The following APP variants were observed in gnomAD, a reference collection of about 807,000 sequenced individuals.
APP encodes the protein amyloid-beta precursor protein.
A neutral mutation model predicts 101.4 loss-of-function variants in APP; 31 were observed. The ratio of observed to expected loss-of-function variants is 0.31; its 90% confidence interval spans 0.23 to 0.41. APP has a LOEUF of 0.41. APP is among the 10% of genes least tolerant of loss of function. The pLI, the probability that APP is intolerant of heterozygous loss-of-function variation, is 1.00. For synonymous variants in APP, 366 were observed against 364.4 expected, an observed-to-expected ratio of 1.00 and a Z score of -0.05; for missense variants, 839 against 1,003.7, an observed-to-expected ratio of 0.84 and a Z score of 2.22.
At chr21:26,124,972 C>G (rs945726015) in intron 1 of APP, among the ~76,000 whole-genome samples, 3 of 152,174 alleles carry the variant, frequency 2.0e-5, no homozygotes, top group African/African-American at 7.2e-5. Context: ...ATTGGCTAAC[C>G]AAAGGTGCTG....
chr21:25,990,741 T>C lies in APP; in HGVS notation c.1090+6619A>G, dbSNP rs574745208. Among the ~76,000 whole-genome samples, 154 of 152,118 alleles carry C rather than the reference T, an allele frequency of 1.0e-3. 6 individuals are homozygous for C. In the South Asian group the frequency reaches 0.03, roughly 29 times the overall value. On this transcript the variant is annotated intron_variant, in intron 8 of 17. Coordinates refer to ENST00000346798, the MANE Select transcript of APP (RefSeq NM_000484.4). ...TTCTCCTACACTTCTATATTTCCTT[T>C]ATATGGTTATTTACCTCTACGGCAT...
chr21:26,097,586 T>C (rs1005032585), intron 2 of APP, among the ~76,000 whole-genome samples: 1 of 152,086 alleles, frequency 6.6e-6, no homozygotes, highest in African/African-American at 2.4e-5. Flanking sequence ...ATACAAATCA[T>C]AGCATCTGCT....
At chr21:26,144,653 T>C (rs966802593) in intron 1 of APP, among the ~76,000 whole-genome samples, 2 of 152,222 alleles carry the variant, frequency 1.3e-5, no homozygotes, top group African/African-American at 4.8e-5. Context: ...TTGAACAACT[T>C]TCTGGGTTAA....
chr21:25,902,385 A>G (rs2038547895), intron 15 of APP, among the ~76,000 whole-genome samples: 1 of 152,250 alleles, frequency 6.6e-6, no homozygotes, highest in South Asian at 2.1e-4. Context: ...AATTAGCCCA[A>G]ATGTTTGATA....
At chr21:26,168,443 C>G (rs1429682639) in intron 1 of APP, among the ~76,000 whole-genome samples, 1 of 152,138 alleles carries the variant, frequency 6.6e-6, no homozygotes, top group Non-Finnish European at 1.5e-5. Context: ...TCACCTCCAC[C>G]CTTTAAAGGA....
At chr21:26,165,285 A>G (rs1803064217) in intron 1 of APP, among the ~76,000 whole-genome samples, 1 of 152,224 alleles carries the variant, frequency 6.6e-6, no homozygotes. Context: ...ACTAACACAC[A>G]GTGCTTATGC....
intron 7 of APP, 111 bp downstream of exon 7, chr21:25,999,904 T>C (rs1199410120): frequency 1.6e-6 from 2 of 1,234,148 alleles, no homozygotes; most frequent in African/African-American, 3.0e-5. Flanking sequence ...ATGTGGTTAG[T>C]GGTAGCAACA....
chr21:26,052,581 C>T (rs187358073), intron 4 of APP, among the ~76,000 whole-genome samples: 3 of 152,156 alleles, frequency 2.0e-5, no homozygotes, highest in African/African-American at 7.2e-5. Flanking sequence ...ATTGGCTTAG[C>T]CAAAAGCAGA....
intron 2 of APP, among the ~76,000 whole-genome samples, chr21:26,109,043 G>T (rs1439551088): frequency 6.6e-6 from 1 of 152,170 alleles, no homozygotes; most frequent in African/African-American, 2.4e-5. Context: ...GAAGAATCTG[G>T]CTGGTGTGTA....
Position 26,054,992 on chromosome 21 carries a change from C to T in APP, c.356-1644G>A, listed in dbSNP as rs567579773. Reference sequence around the variant, plus strand: ...TAAGATGTAGCATGATACTGAAGTACTTATTTCAATAAGTACTATTTAGAT... The same window carrying T: ...TAAGATGTAGCATGATACTGAAGTATTTATTTCAATAAGTACTATTTAGAT... On this transcript the variant is annotated intron_variant, in intron 3 of 17. Transcript: ENST00000346798. 5.3e-5 allele frequency among the ~76,000 whole-genome samples: 8 copies of T among 152,216 alleles called. No individual in the cohort carries two copies. The South Asian group carries it at 1.7e-3, about 32-fold the overall frequency.
intron 5 of APP, among the ~76,000 whole-genome samples, chr21:26,024,813 C>T (rs911419136): frequency 1.3e-5 from 2 of 152,296 alleles, no homozygotes; most frequent in East Asian, 1.9e-4. Flanking sequence ...CCAAGTGGAA[C>T]GCCTTTCTAA....
chr21:26,137,737 TAA>T (rs1471371134), intron 1 of APP, among the ~76,000 whole-genome samples: 1 of 152,130 alleles, frequency 6.6e-6, no homozygotes, highest in Non-Finnish European at 1.5e-5. Flanking sequence ...TCAAATAATA[TAA>T]GTCAGAGTAA....
chr21:25,957,121 T>C (rs571801347), intron 11 of APP, among the ~76,000 whole-genome samples: 1 of 152,322 alleles, frequency 6.6e-6, no homozygotes, highest in African/African-American at 2.4e-5. Flanking sequence ...CTTGGGCTCA[T>C]CTGCCTTCTT....
intron 3 of APP, among the ~76,000 whole-genome samples, chr21:26,054,587 A>G (rs1464188537): frequency 7.0e-6 from 1 of 143,148 alleles, no homozygotes; most frequent in Non-Finnish European, 1.5e-5. Context: ...TAGGTTTTGG[A>G]TGCCATTTTG....
At chr21:26,125,819 G>A (rs1409010636) in intron 1 of APP, among the ~76,000 whole-genome samples, 2 of 152,200 alleles carry the variant, frequency 1.3e-5, no homozygotes, top group Non-Finnish European at 2.9e-5. Flanking sequence ...TGCCTTGAGT[G>A]ATGGGAACTT....
intron 17 of APP, among the ~76,000 whole-genome samples, chr21:25,887,463 C>CT (rs888978516): frequency 1.4e-4 from 21 of 146,668 alleles, no homozygotes; most frequent in African/African-American, 5.3e-4. Flanking sequence ...CACAGAGTGA[C>CT]TCTCTGGCCT....
chr21:26,093,891 G>A (rs763054784), intron 2 of APP, among the ~76,000 whole-genome samples: 9 of 152,080 alleles, frequency 5.9e-5, no homozygotes, highest in Admixed American at 5.2e-4. Flanking sequence ...CGAGGCGGGC[G>A]GCTCACGAGG....
chr21:26,146,699 ATT>A (rs1162582853), intron 1 of APP, among the ~76,000 whole-genome samples: 1 of 152,180 alleles, frequency 6.6e-6, no homozygotes, highest in Non-Finnish European at 1.5e-5. Flanking sequence ...TCAGCGCACT[ATT>A]CTCTCTTGTG....
At chr21:25,957,482 T>TAA (rs1193252188) in intron 11 of APP, among the ~76,000 whole-genome samples, 1 of 152,190 alleles carries the variant, frequency 6.6e-6, no homozygotes, top group Non-Finnish European at 1.5e-5. Context: ...TGCTTGCTTG[T>TAA]TATTAAGCAC....
Sources: gnomAD v4.1 joint callset for allele counts (sites outside exome capture counted in the v4.1 genomes callset) on GRCh38, gnomAD v4.1.1 for gene constraint, MANE v1.5 for transcripts, NCBI Gene and HGNC (gene_info 2026-07-23, HGNC 2026-07-21) for gene names.